ARMC3: variants seen among roughly 807,000 people sequenced by gnomAD.
The protein encoded by ARMC3 is armadillo repeat containing 3, also known as armadillo repeat-containing protein 3.
ARMC3 carries 74 observed loss-of-function variants against 90.3 expected under a neutral mutation model. The observed-to-expected ratio is 0.82, with a 90% CI of 0.68 to 0.99. The LOEUF is 0.99. Ranked by LOEUF, ARMC3 falls within the 50% of genes least tolerant of loss-of-function variation. The probability of loss-of-function intolerance (pLI) is 0.00; values close to 1 mark genes in which losing one functional copy is unlikely to be tolerated. For synonymous variants in ARMC3, 334 were observed against 361.8 expected, an observed-to-expected ratio of 0.92 and a Z score of 0.87; for missense variants, 958 against 1,042.8, an observed-to-expected ratio of 0.92 and a Z score of 1.12.
intron 7 of ARMC3, among the ~76,000 whole-genome samples, chr10:22,966,814 A>T (rs1835459229): frequency 6.6e-6 from 1 of 152,126 alleles, no homozygotes; most frequent in Non-Finnish European, 1.5e-5. Flanking sequence ...ATCAGATCTC[A>T]TAAGAACTCA....
intron 10 of ARMC3, among the ~76,000 whole-genome samples, chr10:22,983,410 T>C (rs1456860528): frequency 2.0e-5 from 3 of 152,236 alleles, no homozygotes; most frequent in East Asian, 1.9e-4. Flanking sequence ...TTTGTTACCA[T>C]AGAAAGGTCA....
chr10:22,944,138 A>G (rs1834430069), intron 2 of ARMC3, among the ~76,000 whole-genome samples: 1 of 152,186 alleles, frequency 6.6e-6, no homozygotes, highest in Non-Finnish European at 1.5e-5. Context: ...GAACGCCTGA[A>G]CATCTGAATG....
intron 10 of ARMC3, among the ~76,000 whole-genome samples, chr10:22,981,976 A>G (rs550841776): frequency 3.3e-5 from 5 of 152,372 alleles, no homozygotes; most frequent in African/African-American, 1.2e-4. Flanking sequence ...GCTTCTGCAA[A>G]TAAGACTGAA....
At position 23,030,756 on chromosome 10, in the gene ARMC3, C is replaced by A; in HGVS notation, c.2206C>A (p.Pro736Thr). 1.2e-6 allele frequency: 2 copies of A among 1,613,480 alleles called. No homozygotes were observed. Among genetic ancestry groups the A allele is most frequent in the Non-Finnish European group, 1.7e-6 (2 of 1,179,634 alleles). Residue 736 changes from proline (P) to threonine (T), a missense_variant, in exon 17 of 19, where the codon CCA (proline) becomes ACA (threonine). Coordinates refer to ENST00000298032, the MANE Select transcript of ARMC3 (RefSeq NM_173081.5). ...GTATGAGGTGACCAAATCAATACTGCCAATAACCAATATTAAGGAACAGAT... is the reference window on the plus strand; with the variant it reads ...GTATGAGGTGACCAAATCAATACTGACAATAACCAATATTAAGGAACAGAT... ...YVYEVTKSIL[P>T]ITNIKEQIED...
In ARMC3 at chr10:23,005,084, G is replaced by T. The variant is rs1178616104; in HGVS notation, c.1731+1670G>T. Among the ~76,000 whole-genome samples, 44 of 151,838 alleles carry T rather than the reference G, an allele frequency of 2.9e-4. 1 individual carries two copies. Among genetic ancestry groups the T allele is most frequent in the African/African-American group, 2.4e-5 (1 of 41,324 alleles). On this transcript the variant is annotated intron_variant, in intron 13 of 18. Coordinates refer to ENST00000298032, the MANE Select transcript of ARMC3 (RefSeq NM_173081.5). ...AAAAATTAGCCGGGCGTGGTGGCGG[G>T]TGCCTGTAGTCCCAGCTACTCCGGA...
intron 8 of ARMC3, among the ~76,000 whole-genome samples, chr10:22,972,681 C>A: frequency 6.6e-6 from 1 of 152,132 alleles, no homozygotes; most frequent in Admixed American, 6.5e-5. Context: ...CTTGTTTAGT[C>A]TCTCTCCACG....
At chr10:22,999,744 T>C (rs1016548834) in intron 11 of ARMC3, among the ~76,000 whole-genome samples, 19 of 152,208 alleles carry the variant, frequency 1.2e-4, no homozygotes, top group African/African-American at 4.1e-4. Flanking sequence ...AAGTTTCACA[T>C]GCTTGGGCCC....
At chr10:22,980,012 C>T (rs181134131) in intron 8 of ARMC3, among the ~76,000 whole-genome samples, 6 of 151,772 alleles carry the variant, frequency 4.0e-5, no homozygotes, top group South Asian at 4.1e-4. Context: ...ACTGCTTCTG[C>T]GAAAAAGGAC....
chr10:22,942,014 G>C (rs1433126047), intron 2 of ARMC3, among the ~76,000 whole-genome samples: 2 of 152,190 alleles, frequency 1.3e-5, no homozygotes, highest in Non-Finnish European at 2.9e-5. Context: ...GTGTTCACTT[G>C]TGGTTTGGGT....
intron 7 of ARMC3, among the ~76,000 whole-genome samples, chr10:22,963,936 A>ACGC (rs1564357570): frequency 8.9e-5 from 12 of 134,092 alleles, no homozygotes; most frequent in Non-Finnish European, 1.6e-4. Flanking sequence ...AAAAAAAAAA[A>ACGC]AAAAAAAAAA....
intron 10 of ARMC3, among the ~76,000 whole-genome samples, chr10:22,983,635 G>A (rs1159922115): frequency 6.6e-6 from 1 of 151,914 alleles, no homozygotes; most frequent in Non-Finnish European, 1.5e-5. Context: ...TTTTTACTTG[G>A]GATTTTCTGA....
chr10:23,038,268 G>A lies in ARMC3; in HGVS notation c.*789G>A, dbSNP rs1839195433. On this transcript the variant is annotated 3_prime_UTR_variant, in exon 19 of 19. Coordinates refer to ENST00000298032, the MANE Select transcript of ARMC3 (RefSeq NM_173081.5). ...GAGCAAATCTTTGCTGAGGAATTGT[G>A]TTTTAGTATTGAGCACAAAATGGGG... 6.6e-6 allele frequency: 1 copy of A among 152,140 alleles called. No individual in the cohort carries two copies. Among genetic ancestry groups the A allele is most frequent in the Non-Finnish European group, 1.5e-5 (1 of 68,012 alleles). 9.4% of individuals were successfully genotyped at this position (152,140 alleles called of 1,614,324 possible).
At chr10:23,033,482 T>C (rs1295474063) in intron 18 of ARMC3, among the ~76,000 whole-genome samples, 1 of 152,056 alleles carries the variant, frequency 6.6e-6, no homozygotes, top group East Asian at 1.9e-4. Context: ...AAAACAAGCG[T>C]ATACTAAACA....
rs1206164870 is a variant in ARMC3, at chr10:22,959,904, C to G, written c.537+330C>G. ...ACTGCGCAGCTACTATTGACTGAAC[C>G]CTGGTGGTCTAAGCACATTGGATGT... On this transcript the variant is annotated intron_variant, in intron 6 of 18. Coordinates refer to ENST00000298032, the MANE Select transcript of ARMC3 (RefSeq NM_173081.5). The G allele has an allele frequency of 6.4e-6, 3 of 468,350 alleles. No individual in the cohort carries two copies. The East Asian group carries it at 1.9e-4, about 30-fold the overall frequency. The allele number at this position is 468,350 out of a possible 1,614,324, so 29.0% of individuals were successfully genotyped here.
Position 23,006,964 on chromosome 10 carries a change from C to A in ARMC3, c.1812C>A (p.Ile604=), listed in dbSNP as rs780011520. 11 of 1,610,218 alleles carry A rather than the reference C, an allele frequency of 6.8e-6. No homozygotes were observed. Among genetic ancestry groups the A allele is most frequent in the Non-Finnish European group, 9.3e-6 (11 of 1,178,346 alleles). The change falls in exon 14 of 19, where the codon ATC becomes ATA. Residue 604 remains isoleucine, a synonymous_variant. Transcript: ENST00000298032. ...EPSDLRAVLL[I]NSKSYVSPPS... is the part of the protein sequence containing the mutation. ...GTGACCTACGGGCTGTACTCTTAAT[C>A]AACAGTAAATCTTACGTGTGAGTCT...
At chr10:22,983,680 G>A (rs576552982) in intron 10 of ARMC3, among the ~76,000 whole-genome samples, 1 of 152,054 alleles carries the variant, frequency 6.6e-6, no homozygotes, top group Non-Finnish European at 1.5e-5. Context: ...CTTTTGAGGA[G>A]GATATGGAAT....
At chr10:23,033,349 C>T (rs1319278404) in intron 18 of ARMC3, among the ~76,000 whole-genome samples, 1 of 152,190 alleles carries the variant, frequency 6.6e-6, no homozygotes, top group African/African-American at 2.4e-5. Flanking sequence ...ACAGTCCCTA[C>T]ACTCAAGGGG....
Position 23,002,046 on chromosome 10 carries a change from G to T in ARMC3, c.1553G>T (p.Cys518Phe), listed in dbSNP as rs201322920. The change falls in exon 12 of 19, where the codon TGC becomes TTC. Residue 518 changes from cysteine to phenylalanine, a missense_variant. Coordinates refer to ENST00000298032, the MANE Select transcript of ARMC3 (RefSeq NM_173081.5). ...GACGAGCTGACGGCCAATGAATTATGCAGGCTCGGGTGAGTGGATGCCATC... is the reference window on the plus strand; with the variant it reads ...GACGAGCTGACGGCCAATGAATTATTCAGGCTCGGGTGAGTGGATGCCATC... ...AGDELTANEL[C>F]RLGALDILEE... 6 of 1,613,456 alleles carry T rather than the reference G, an allele frequency of 3.7e-6. No individual in the cohort carries two copies. In the Admixed American group the frequency reaches 8.3e-5, roughly 22 times the overall value.
In ARMC3 at chr10:23,037,299, C is replaced by T. The variant is rs770738586; in HGVS notation, c.2439C>T (p.Cys813=). ...KALADRIGIG[C]SLVRGEYGRA... Reference sequence around the variant, plus strand: ...TGGCTGATAGAATTGGCATTGGTTGCTCCCTAGTTCGCGGAGAGTACGGTA... The same window carrying T: ...TGGCTGATAGAATTGGCATTGGTTGTTCCCTAGTTCGCGGAGAGTACGGTA... The change falls in exon 19 of 19, where the codon TGC becomes TGT. Residue 813 remains cysteine (C), a synonymous_variant. Transcript: ENST00000298032. 10 of 1,603,824 alleles carry T rather than the reference C, an allele frequency of 6.2e-6. No homozygotes were observed. The East Asian group carries it at 2.2e-4, about 36-fold the overall frequency.
Sources: gnomAD v4.1 joint callset for allele counts (sites outside exome capture counted in the v4.1 genomes callset) on GRCh38, gnomAD v4.1.1 for gene constraint, MANE v1.5 for transcripts, NCBI Gene and HGNC (gene_info 2026-07-23, HGNC 2026-07-21) for gene names.